Variants in STYX observed in about 807,000 individuals in gnomAD.
STYX encodes the protein serine/threonine/tyrosine-interacting protein.
A neutral mutation model predicts 42.7 loss-of-function variants in STYX; 20 were observed. The ratio of observed to expected loss-of-function variants is 0.47; its 90% CI spans 0.33 to 0.68. The LOEUF is 0.68. Among genes scored for constraint, STYX ranks in the 30% least tolerant of loss-of-function variants. STYX has a pLI of 0.02. For synonymous variants in STYX, 78 were observed against 81.9 expected (o/e 0.95, Z 0.26); for missense variants, 226 against 268.5 (o/e 0.84, Z 1.11).
At chr14:52,730,641 C>T (rs572410378) in intron 1 of STYX, 110 bp downstream of exon 1, 34 of 1,224,420 alleles carry the variant, frequency 2.8e-5, no homozygotes, top group South Asian at 8.3e-5. Flanking sequence ...CGCCCTGCCT[C>T]CTAAGGGCGT....
chr14:52,768,827 AT>A lies in STYX; in HGVS notation c.505-3del, dbSNP rs540768627. The A allele has an allele frequency of 1.5e-3, 2,061 of 1,408,132 alleles. No individual in the cohort carries two copies. The highest frequency in any genetic ancestry group is 2.5e-3 in the Middle Eastern group (13 of 5,100). 87.2% of individuals were successfully genotyped at this position (1,408,132 alleles called of 1,614,324 possible). A position where few individuals can be genotyped will look rare whatever the true frequency, so the allele number is the denominator to read the frequency against. On this transcript the variant is annotated splice_polypyrimidine_tract_variant and intron_variant, in intron 9 of 10. Transcript: ENST00000354586. ...AATATATAATTAAGTTAATTAACTT[AT>A]TTTTTTTTTAGGAATATGAAGCCAT... is the stretch of plus-strand genomic sequence containing the variant.
intron 9 of STYX, among the ~76,000 whole-genome samples, chr14:52,761,103 T>C (rs1041804713): frequency 1.3e-5 from 2 of 151,946 alleles, no homozygotes; most frequent in Admixed American, 6.6e-5. Flanking sequence ...CCGAGGTGAG[T>C]GGAACACCTG....
At chr14:52,742,266 C>T (rs1378633094) in intron 1 of STYX, among the ~76,000 whole-genome samples, 1 of 152,166 alleles carries the variant, frequency 6.6e-6, no homozygotes, top group African/African-American at 2.4e-5. Flanking sequence ...CTTTCTTTCC[C>T]TAGTTTATCT....
At chr14:52,739,287 A>T (rs1402668763) in intron 1 of STYX, among the ~76,000 whole-genome samples, 1 of 152,112 alleles carries the variant, frequency 6.6e-6, no homozygotes, top group African/African-American at 2.4e-5. Context: ...CCCAGAATAT[A>T]TTTACACCAT....
chr14:52,768,785 G>A, intron 9 of STYX, 55 bp from the exon 10 acceptor site: 1 of 1,229,194 alleles, frequency 8.1e-7, no homozygotes, highest in South Asian at 1.5e-5. Context: ...TCACTATTTT[G>A]GGTATCCAAG....
chr14:52,744,611 C>G (rs929311807), intron 1 of STYX, among the ~76,000 whole-genome samples: 1 of 151,950 alleles, frequency 6.6e-6, no homozygotes, highest in Non-Finnish European at 1.5e-5. Flanking sequence ...GTAATTTCAT[C>G]CATTTTATGA....
At chr14:52,734,913 C>T (rs2065054) in intron 1 of STYX, among the ~76,000 whole-genome samples, 55,479 of 151,806 alleles carry the variant, frequency 0.37, 11,389 homozygotes, top group Middle Eastern at 0.48. Context: ...AAAAATTAGC[C>T]AGGTATGGTG....
chr14:52,732,289 CAG>C (rs796221010), intron 1 of STYX, among the ~76,000 whole-genome samples: 1,726 of 113,774 alleles, frequency 0.015, 41 homozygotes, highest in African/African-American at 0.057. Flanking sequence ...TTTTTTGAGA[CAG>C]AGTCTCACTC....
intron 2 of STYX, among the ~76,000 whole-genome samples, chr14:52,746,176 T>A (rs755009275): frequency 6.6e-6 from 1 of 152,110 alleles, no homozygotes; most frequent in Non-Finnish European, 1.5e-5. Flanking sequence ...TGTCTGTAAT[T>A]CCAGCCGTTT....
chr14:52,741,732 C>T (rs1881202774), intron 1 of STYX, among the ~76,000 whole-genome samples: 1 of 152,194 alleles, frequency 6.6e-6, no homozygotes, highest in South Asian at 2.1e-4. Flanking sequence ...AGCCACCGCA[C>T]CTGGCCTATT....
chr14:52,764,666 CT>C (rs58502916), intron 9 of STYX, among the ~76,000 whole-genome samples: 319 of 98,960 alleles, frequency 3.2e-3, no homozygotes, highest in Middle Eastern at 0.015. Flanking sequence ...TTTACTTTTC[CT>C]TTTTTTTTTT....
intron 8 of STYX, 92 bp from the exon 9 acceptor site, chr14:52,759,590 C>T: frequency 1.2e-6 from 1 of 841,390 alleles, no homozygotes; most frequent in Non-Finnish European, 1.9e-6. Flanking sequence ...TTTTCCATTA[C>T]AACTCATTAC....
intron 1 of STYX, among the ~76,000 whole-genome samples, chr14:52,731,210 T>C (rs1415425300): frequency 2.0e-5 from 3 of 152,196 alleles, no homozygotes; most frequent in African/African-American, 4.8e-5. Flanking sequence ...GTTGCTAGTT[T>C]AACATTTTAC....
intron 2 of STYX, among the ~76,000 whole-genome samples, chr14:52,745,351 A>C (rs75194546): frequency 0.092 from 14,050 of 152,174 alleles, 707 homozygotes; most frequent in South Asian, 0.15. Flanking sequence ...TCCTGACCTC[A>C]GGTGATCCAG....
chr14:52,773,045 G>A lies in STYX; in HGVS notation c.*1939G>A, dbSNP rs1882575546. ...TTACAGTGTAATAATAATCTATGATGCTTCATTTAGCAGAAACTCTGCTTA... is the reference window on the plus strand; with the variant it reads ...TTACAGTGTAATAATAATCTATGATACTTCATTTAGCAGAAACTCTGCTTA... On this transcript the variant is annotated 3_prime_UTR_variant, in exon 11 of 11. Transcript: ENST00000354586. 1 of 152,030 alleles carries A rather than the reference G, an allele frequency of 6.6e-6. No homozygotes were observed. Among genetic ancestry groups the A allele is most frequent in the Non-Finnish European group, 1.5e-5 (1 of 68,010 alleles). 9.4% of individuals were successfully genotyped at this position (152,030 alleles called of 1,614,324 possible).
chr14:52,756,650 T>C (rs1255292871), intron 5 of STYX, 39 bp downstream of exon 5: 1 of 974,520 alleles, frequency 1.0e-6, no homozygotes. Context: ...TTAAAATTTA[T>C]TTATGATTTG....
At position 52,774,686 on chromosome 14, in the gene STYX, A is replaced by G. The variant is rs1000229070; in HGVS notation, c.*3580A>G. The G allele has an allele frequency of 2.0e-5, 3 of 151,010 alleles. No individual in the cohort carries two copies. The highest frequency in any genetic ancestry group is 4.4e-5 in the Non-Finnish European group (3 of 67,878). 9.4% of individuals were successfully genotyped at this position (151,010 alleles called of 1,614,324 possible). A position where few individuals can be genotyped will look rare whatever the true frequency, so the allele number is the denominator to read the frequency against. On this transcript the variant is annotated 3_prime_UTR_variant, in exon 11 of 11. Transcript: ENST00000354586. ...TACATGTTAGCTCTCTCTCATAGGG[A>G]GCTGCCATACCTCACAGTTCAAAGT...
intron 4 of STYX, among the ~76,000 whole-genome samples, chr14:52,754,158 G>A (rs1345631276): frequency 2.0e-5 from 3 of 151,806 alleles, no homozygotes; most frequent in African/African-American, 7.3e-5. Context: ...ACAGTGCTGG[G>A]ATTACAGGCG....
intron 8 of STYX, among the ~76,000 whole-genome samples, chr14:52,758,143 A>G (rs1881949356): frequency 6.6e-6 from 1 of 152,198 alleles, no homozygotes; most frequent in Admixed American, 6.5e-5. Flanking sequence ...AAAACTACTT[A>G]CCTACCACAA....
Sources: gnomAD v4.1 joint callset for allele counts (sites outside exome capture counted in the v4.1 genomes callset) on GRCh38, gnomAD v4.1.1 for gene constraint, MANE v1.5 for transcripts, NCBI Gene and HGNC (gene_info 2026-07-23, HGNC 2026-07-21) for gene names.